Variants in FLNB observed in about 807,000 individuals in gnomAD.
FLNB encodes filamin-B.
A neutral mutation model predicts 250.6 loss-of-function variants in FLNB; 111 were observed. The observed-to-expected ratio is 0.44, with a 90% CI of 0.38 to 0.52. The LOEUF is 0.52. FLNB is among the 20% of genes least tolerant of loss of function. The pLI is 0.00. For missense variants in FLNB, 2,869 were observed against 3,447.8 expected (o/e 0.83, Z 4.20); for synonymous variants, 1,302 against 1,372.1 (o/e 0.95, Z 1.13).
chr3:58,109,375 C>G (rs2107118592), intron 14 of FLNB, 53 bp downstream of exon 14: 1 of 1,592,364 alleles, frequency 6.3e-7, no homozygotes, highest in East Asian at 2.3e-5. Context: ...TGGTCATACA[C>G]CAGGTCTGGG....
chr3:58,112,623 T>C (rs191762542), intron 18 of FLNB, among the ~76,000 whole-genome samples: 16 of 152,374 alleles, frequency 1.1e-4, no homozygotes, highest in Admixed American at 9.8e-4. Context: ...AATATCTATC[T>C]TTCTGTTACA....
chr3:58,138,500 G>A lies in FLNB; in HGVS notation c.5080G>A (p.Asp1694Asn). ...GATCTATGTGCGCTTCGGTGGTGTT[G>A]ATATTCCTAACAGCCCCTTCACTGT... is the stretch of plus-strand genomic sequence containing the variant. Reference protein sequence around the residue: ...YVIYVRFGGVDIPNSPFTVMA... With the variant: ...YVIYVRFGGVNIPNSPFTVMA... The change falls in exon 29 of 46, where the codon GAT (aspartate) becomes AAT (asparagine). Residue 1694 changes from aspartate (D) to asparagine (N), a missense_variant. Asp to Asn is a conservative substitution (Grantham distance 23). Around this residue, in one of 5 missense-constraint regions of FLNB, gnomAD observed 1,084 missense variants for 1,315.5 expected, o/e 0.82. Transcript: ENST00000295956. 1.9e-6 allele frequency: 3 copies of A among 1,614,202 alleles called. No individual in the cohort carries two copies. The highest frequency in any genetic ancestry group is 1.3e-5 in the African/African-American group (1 of 75,036).
intron 6 of FLNB, 36 bp from the exon 7 acceptor site, chr3:58,097,779 G>A (rs899721529): frequency 6.2e-6 from 10 of 1,604,950 alleles, no homozygotes; most frequent in East Asian, 2.2e-5. Context: ...GCACAGAGAA[G>A]TGATTATGTA....
intron 1 of FLNB, among the ~76,000 whole-genome samples, chr3:58,060,012 A>G (rs554685308): frequency 1.1e-4 from 16 of 152,204 alleles, no homozygotes; most frequent in African/African-American, 3.9e-4. Context: ...ATTTTTCTTA[A>G]TCTGGAAAAT....
chr3:58,087,989 C>T (rs2097219974), intron 4 of FLNB, among the ~76,000 whole-genome samples: 1 of 150,468 alleles, frequency 6.6e-6, no homozygotes, highest in Admixed American at 6.6e-5. Flanking sequence ...ATCTGCCCAC[C>T]TTGGCCTCGA....
intron 30 of FLNB, 68 bp downstream of exon 30, chr3:58,141,997 A>G (rs2097327954): frequency 7.2e-7 from 1 of 1,385,142 alleles, no homozygotes; most frequent in Non-Finnish European, 1.0e-6. Flanking sequence ...AAAATCTGCC[A>G]TCTGCTTCTG....
intron 1 of FLNB, among the ~76,000 whole-genome samples, chr3:58,025,227 T>C (rs1044977891): frequency 6.8e-6 from 1 of 147,074 alleles, no homozygotes; most frequent in Non-Finnish European, 1.5e-5. Flanking sequence ...CCTCCAGGAC[T>C]CAGGTGATCC....
intron 34 of FLNB, 147 bp downstream of exon 34, chr3:58,147,140 G>C: frequency 1.3e-6 from 1 of 768,718 alleles, no homozygotes; most frequent in South Asian, 1.8e-5. Flanking sequence ...GCAGGGGATG[G>C]AATGCAATTT....
chr3:58,100,373 A>AAAAAAATATAT, intron 8 of FLNB, among the ~76,000 whole-genome samples: 1 of 104,386 alleles, frequency 9.6e-6, no homozygotes, highest in African/African-American at 4.6e-5. Context: ...GTAAAAAAAA[A>AAAAAAATATAT]ATATATATAT....
At chr3:58,082,633 T>C (rs2097210817) in intron 4 of FLNB, among the ~76,000 whole-genome samples, 1 of 152,002 alleles carries the variant, frequency 6.6e-6, no homozygotes, top group South Asian at 2.1e-4. Flanking sequence ...TAGCCAGGCA[T>C]GGTGGCGGGT....
At chr3:58,118,502 C>T (rs527605231) in intron 18 of FLNB, among the ~76,000 whole-genome samples, 162 of 152,204 alleles carry the variant, frequency 1.1e-3, no homozygotes, top group Middle Eastern at 0.01. Context: ...ACTTGGGGCA[C>T]GTTCCTTTAC....
At chr3:58,095,663 G>A (rs2097237235) in intron 5 of FLNB, among the ~76,000 whole-genome samples, 2 of 152,184 alleles carry the variant, frequency 1.3e-5, no homozygotes, top group Admixed American at 1.3e-4. Context: ...TGCACATGCT[G>A]TTCTTTCTGT....
intron 1 of FLNB, among the ~76,000 whole-genome samples, chr3:58,053,282 C>T (rs778042039): frequency 2.0e-5 from 3 of 152,196 alleles, no homozygotes; most frequent in Non-Finnish European, 2.9e-5. Context: ...TGTTAGGGCT[C>T]AGTCTATCCT....
intron 18 of FLNB, among the ~76,000 whole-genome samples, chr3:58,113,446 G>A (rs1298259048): frequency 6.6e-6 from 1 of 152,230 alleles, no homozygotes; most frequent in Admixed American, 6.5e-5. Flanking sequence ...TCAGCGAGGA[G>A]CAGTCAAGAG....
intron 41 of FLNB, among the ~76,000 whole-genome samples, chr3:58,158,500 G>T (rs140955488): frequency 6.6e-6 from 1 of 152,320 alleles, no homozygotes; most frequent in East Asian, 1.9e-4. Flanking sequence ...CACTGGAAAA[G>T]AATCTGTATT....
rs1156407548 is a variant in FLNB at position 58,155,973 on chromosome 3, G to A, written c.6786G>A (p.Val2262=). ...CTGTCCTCATAGGTAACTACGAGGT[G>A]TCCATCAAGTTCAATGATGAGCACA... The part of the protein sequence containing the change: ...YIAQEPGNYE[V]SIKFNDEHIP... The change falls in exon 41 of 46, where the codon GTG becomes GTA. Residue 2262 remains valine (V), a synonymous_variant. Transcript: ENST00000295956. 8 of 1,612,666 alleles carry A rather than the reference G, an allele frequency of 5.0e-6. No homozygotes were observed. The South Asian group carries it at 5.5e-5, about 11-fold the overall frequency.
At chr3:58,163,467 G>A (rs866760734) in intron 43 of FLNB, 137 bp downstream of exon 43, 22 of 859,826 alleles carry the variant, frequency 2.6e-5, no homozygotes, top group African/African-American at 8.4e-5. Flanking sequence ...CTTCGGAGGC[G>A]CTTGCTGTCC....
At position 58,135,958 on chromosome 3, in the gene FLNB, G is replaced by A. The variant is rs375550414; in HGVS notation, c.4672-21G>A. On this transcript the variant is annotated intron_variant, in intron 27 of 45. Transcript: ENST00000295956. ...CTACATCTTGACAACATCCTAAATA[G>A]CATTTCTCTATGATCCACAGGACCA... 3.7e-6 allele frequency: 6 copies of A among 1,612,474 alleles called. No homozygotes were observed. In the African/African-American group the frequency reaches 6.7e-5, roughly 18 times the overall value.
rs1452942624 is a variant in FLNB, at chr3:58,025,215, G to A, written c.292+16359G>A. 4.4e-5 allele frequency among the ~76,000 whole-genome samples: 6 copies of A among 137,360 alleles called. No homozygotes were observed. In the East Asian group the frequency reaches 1.1e-3, roughly 26 times the overall value. The allele number at this position is 137,360 out of a possible 152,430, so 90.1% of individuals were successfully genotyped here. Reference sequence around the variant, plus strand: ...CACATTCACGGCTCATTGCAGCCTCGACCTCCAGGACTCAGGTGATCCTCA... The same window carrying A: ...CACATTCACGGCTCATTGCAGCCTCAACCTCCAGGACTCAGGTGATCCTCA... On this transcript the variant is annotated intron_variant, in intron 1 of 45. Coordinates refer to ENST00000295956, the MANE Select transcript of FLNB (RefSeq NM_001457.4).
Sources: gnomAD v4.1 joint callset for allele counts (sites outside exome capture counted in the v4.1 genomes callset) on GRCh38, gnomAD v4.1.1 for gene constraint, gnomAD v4.1.1 regional missense constraint, MANE v1.5 for transcripts, NCBI Gene and HGNC (gene_info 2026-07-23, HGNC 2026-07-21) for gene names.